DPYSL2: variants seen among roughly 807,000 people sequenced by gnomAD.
DPYSL2 encodes dihydropyrimidinase-related protein 2.
DPYSL2 carries 13 observed loss-of-function variants against 69.9 expected under a neutral mutation model. The observed-to-expected ratio is 0.19, with a 90% CI of 0.12 to 0.30. The LOEUF (loss-of-function observed/expected upper bound fraction) is 0.30, where lower values mean the gene tolerates loss of function less well. DPYSL2 is among the 10% of genes least tolerant of loss of function. The pLI, the probability that DPYSL2 is intolerant of heterozygous loss-of-function variation, is 1.00. For synonymous variants in DPYSL2, 326 were observed against 359.1 expected, an observed-to-expected ratio of 0.91 and a Z score of 1.04; for missense variants, 587 against 918.9, an observed-to-expected ratio of 0.64 and a Z score of 4.67.
At chr8:26,566,806 G>A (rs2129677421) in intron 1 of DPYSL2, among the ~76,000 whole-genome samples, 1 of 152,154 alleles carries the variant, frequency 6.6e-6, no homozygotes, top group Non-Finnish European at 1.5e-5. Flanking sequence ...TTTATAATGG[G>A]GACATTTGTG....
At chr8:26,563,602 C>T (rs1324924636) in intron 1 of DPYSL2, among the ~76,000 whole-genome samples, 3 of 152,194 alleles carry the variant, frequency 2.0e-5, no homozygotes, top group African/African-American at 7.2e-5. Flanking sequence ...TAAATGTCAG[C>T]TCCCCTTCCT....
rs1407900655 is a variant in DPYSL2, at chr8:26,586,091, A to G, written c.628+2108A>G. ...GCACTCTATCCTGAGCAATAGAGTG[A>G]GACTCCGTCTCAAAAAAAAACAAAC... On this transcript the variant is annotated intron_variant, in intron 3 of 13. Coordinates refer to ENST00000521913, the MANE Select transcript of DPYSL2 (RefSeq NM_001197293.3). This position sits in a 1 kb window ranked among gnomAD's most constrained non-coding sequence, Gnocchi z 4.7. Among the ~76,000 whole-genome samples, 1 of 151,624 alleles carries G rather than the reference A, an allele frequency of 6.6e-6. No homozygotes were observed. Among genetic ancestry groups the G allele is most frequent in the African/African-American group, 2.4e-5 (1 of 41,290 alleles).
intron 7 of DPYSL2, among the ~76,000 whole-genome samples, chr8:26,630,295 G>A (rs1802739519): frequency 6.6e-6 from 1 of 152,196 alleles, no homozygotes; most frequent in South Asian, 2.1e-4. Context: ...AGATTCCCCA[G>A]GATCCACCTG....
intron 1 of DPYSL2, among the ~76,000 whole-genome samples, chr8:26,534,904 A>T (rs562066101): frequency 3.3e-4 from 51 of 152,246 alleles, no homozygotes; most frequent in African/African-American, 1.2e-3. Flanking sequence ...AAACACTGGG[A>T]TTATAGGCAT....
At position 26,514,185 on chromosome 8, in the gene DPYSL2, C is replaced by A; in HGVS notation, c.-141C>A. On this transcript the variant is annotated 5_prime_UTR_variant, in exon 1 of 14. Transcript: ENST00000521913. The surrounding 1 kb of genome is among the most constrained non-coding windows in gnomAD (Gnocchi z 8.4). ...GGTGGGTCGCCGGCTCGCCAGCCCTCCTTCCTTTCTGTGCACCTTGCGGTG... is the reference window on the plus strand; with the variant it reads ...GGTGGGTCGCCGGCTCGCCAGCCCTACTTCCTTTCTGTGCACCTTGCGGTG... 1.4e-6 allele frequency: 1 copy of A among 696,042 alleles called. No individual in the cohort carries two copies. The highest frequency in any genetic ancestry group is 2.1e-6 in the Non-Finnish European group (1 of 478,412). 43.1% of individuals were successfully genotyped at this position (696,042 alleles called of 1,614,324 possible). A position where few individuals can be genotyped will look rare whatever the true frequency, so the allele number is the denominator to read the frequency against.
intron 1 of DPYSL2, among the ~76,000 whole-genome samples, chr8:26,546,465 T>A (rs11787292): frequency 0.083 from 12,569 of 152,230 alleles, 721 homozygotes; most frequent in Non-Finnish European, 0.12. Context: ...TTTTGGTGTA[T>A]ATCTTTCTAG....
Position 26,627,232 on chromosome 8 carries a change from T to C in DPYSL2, c.873T>C (p.Ser291=). 6.2e-7 allele frequency: 1 copy of C among 1,614,174 alleles called. No individual in the cohort carries two copies. The highest frequency in any genetic ancestry group is 1.1e-5 in the South Asian group (1 of 91,080). Residue 291 remains serine, a synonymous_variant, in exon 6 of 14, where the codon AGT becomes AGC. Coordinates refer to ENST00000521913, the MANE Select transcript of DPYSL2 (RefSeq NM_001197293.3). The surrounding 1 kb of genome is among the most constrained non-coding windows in gnomAD (Gnocchi z 6.9). ...TCTCTCAGATTTATGAAGTACTGAG[T>C]GTGATCCGGGATATTGGCGCCATAG... ...LTDCQIYEVL[S]VIRDIGAIAQ... is the part of the protein sequence containing the mutation.
At chr8:26,570,913 T>C (rs796110877) in intron 1 of DPYSL2, among the ~76,000 whole-genome samples, 7 of 152,340 alleles carry the variant, frequency 4.6e-5, no homozygotes, top group African/African-American at 1.7e-4. Context: ...TTAAAGCAGA[T>C]GTATTTAAAG....
At chr8:26,589,438 G>T (rs1000445477) in intron 3 of DPYSL2, among the ~76,000 whole-genome samples, 1 of 152,264 alleles carries the variant, frequency 6.6e-6, no homozygotes, top group East Asian at 1.9e-4. Flanking sequence ...TAATGCCCAT[G>T]GGTGAATGAA....
rs1802294846 is a variant in DPYSL2 at position 26,614,057 on chromosome 8, GA to G, written c.629-10083del. On this transcript the variant is annotated intron_variant, in intron 3 of 13. Transcript: ENST00000521913. This position sits in a 1 kb window ranked among gnomAD's most constrained non-coding sequence, Gnocchi z 4.9. ...AGGTGGGAGGATCGCTTGAGTCCTG[GA>G]AATCAAGGCTGCGGTCAGCCAGATT... 6.6e-6 allele frequency among the ~76,000 whole-genome samples: 1 copy of G among 152,130 alleles called. No individual in the cohort carries two copies. The highest frequency in any genetic ancestry group is 6.5e-5 in the Admixed American group (1 of 15,278).
At position 26,626,042 on chromosome 8, in the gene DPYSL2, T is replaced by G. The variant is rs939470349; in HGVS notation, c.794-575T>G. Among the ~76,000 whole-genome samples, 1 of 152,232 alleles carries G rather than the reference T, an allele frequency of 6.6e-6. No individual in the cohort carries two copies. The highest frequency in any genetic ancestry group is 1.5e-5 in the Non-Finnish European group (1 of 68,046). On this transcript the variant is annotated intron_variant, in intron 4 of 13. Coordinates refer to ENST00000521913, the MANE Select transcript of DPYSL2 (RefSeq NM_001197293.3). This position sits in a 1 kb window ranked among gnomAD's most constrained non-coding sequence, Gnocchi z 4.3. Reference sequence around the variant, plus strand: ...CAACTGCTGTTGTACTTTCTGTCTGTGAAATTGACTTCTAGGGACCTCATA... The same window carrying G: ...CAACTGCTGTTGTACTTTCTGTCTGGGAAATTGACTTCTAGGGACCTCATA...
At chr8:26,575,874 G>C (rs118112543) in intron 1 of DPYSL2, among the ~76,000 whole-genome samples, 311 of 152,210 alleles carry the variant, frequency 2.0e-3, no homozygotes, top group Non-Finnish European at 3.5e-3. Context: ...TGAGCTAATA[G>C]GACACTCCTC....
In DPYSL2 at chr8:26,528,267, C is replaced by T. The variant is rs1277826341; in HGVS notation, c.354+13588C>T. Among the ~76,000 whole-genome samples, 3 of 152,126 alleles carry T rather than the reference C, an allele frequency of 2.0e-5. No homozygotes were observed. The East Asian group carries it at 5.8e-4, about 29-fold the overall frequency. On this transcript the variant is annotated intron_variant, in intron 1 of 13. Transcript: ENST00000521913. ...ACTTCTGTTGAATAGAGAGACAGGG[C>T]CCCTGGCAGACCAGTATGGGCAATT...
At chr8:26,615,887 A>G (rs2584187) in intron 3 of DPYSL2, among the ~76,000 whole-genome samples, 131,347 of 152,228 alleles carry the variant, frequency 0.86, 56,796 homozygotes, top group Non-Finnish European at 0.88. Context: ...CCTGTAAGGC[A>G]GCACGTGCTT....
At chr8:26,633,207 A>G (rs1331954661) in intron 7 of DPYSL2, among the ~76,000 whole-genome samples, 1 of 152,224 alleles carries the variant, frequency 6.6e-6, no homozygotes, top group Admixed American at 6.5e-5. Context: ...ATTGGGAGCT[A>G]TTGGGGGCAG....
At chr8:26,616,125 A>T (rs1390840607) in intron 3 of DPYSL2, among the ~76,000 whole-genome samples, 1 of 152,178 alleles carries the variant, frequency 6.6e-6, no homozygotes, top group Non-Finnish European at 1.5e-5. Flanking sequence ...CTTCTTGTCT[A>T]AAGTCACATG....
chr8:26,532,406 C>T (rs1037932959), intron 1 of DPYSL2, among the ~76,000 whole-genome samples: 3 of 152,062 alleles, frequency 2.0e-5, no homozygotes, highest in African/African-American at 7.2e-5. Context: ...AAAATTTGCC[C>T]CTTTAAAGTG....
chr8:26,529,118 A>G (rs776060985), intron 1 of DPYSL2, among the ~76,000 whole-genome samples: 3 of 152,176 alleles, frequency 2.0e-5, no homozygotes, highest in Non-Finnish European at 4.4e-5. Flanking sequence ...AAGGCCCCAG[A>G]TGGCAAAGCA....
At position 26,617,438 on chromosome 8, in the gene DPYSL2, T is replaced by G. The variant is rs1175137496; in HGVS notation, c.629-6705T>G. 6.6e-6 allele frequency among the ~76,000 whole-genome samples: 1 copy of G among 152,124 alleles called. No individual in the cohort carries two copies. Among genetic ancestry groups the G allele is most frequent in the East Asian group, 1.9e-4 (1 of 5,192 alleles). On this transcript the variant is annotated intron_variant, in intron 3 of 13. Transcript: ENST00000521913. The surrounding 1 kb of genome is among the most constrained non-coding windows in gnomAD (Gnocchi z 4.7). ...TGAGCCCAGGAGATCAGGACTGCAG[T>G]GAGCTGTGATTGCACTACTGCACTC...
Sources: allele counts gnomAD v4.1 joint callset (sites outside exome capture counted in the v4.1 genomes callset), GRCh38; gene constraint gnomAD v4.1.1; non-coding constraint Gnocchi (gnomAD v3.1); transcripts MANE v1.5; gene names NCBI Gene and HGNC (gene_info 2026-07-23, HGNC 2026-07-21).